Variants in WLS observed in about 807,000 individuals in gnomAD.
WLS encodes the protein Wnt ligand secretion mediator.
WLS carries 23 observed loss-of-function variants against 62.8 expected under a neutral mutation model. The ratio of observed to expected loss-of-function variants is 0.37; its 90% CI spans 0.26 to 0.52. WLS has a LOEUF of 0.52. WLS is among the 20% of genes least tolerant of loss of function. The pLI is 0.92. For missense variants in WLS, 615 were observed against 697.3 expected (o/e 0.88, Z 1.33); for synonymous variants, 246 against 244.1 (o/e 1.01, Z -0.07).
intron 11 of WLS, among the ~76,000 whole-genome samples, chr1:68,132,977 G>T (rs1204537582): frequency 6.6e-6 from 1 of 151,818 alleles, no homozygotes; most frequent in Admixed American, 6.6e-5. Context: ...TATCTGCCTG[G>T]GAAGACATCC....
chr1:68,119,053 G>C, intron 11 of WLS, among the ~76,000 whole-genome samples: 1 of 151,972 alleles, frequency 6.6e-6, no homozygotes. Flanking sequence ...AACATATATT[G>C]TAATAGTCAA....
Position 68,220,872 on chromosome 1 carries a change from T to C in WLS, c.106+11322A>G, listed in dbSNP as rs376773695. Among the ~76,000 whole-genome samples the C allele has an allele frequency of 1.7e-3, 253 of 152,358 alleles. 10 individuals carry two copies. In the South Asian group the frequency reaches 0.05, roughly 30 times the overall value. On this transcript the variant is annotated intron_variant, in intron 1 of 11. Transcript: ENST00000262348. The stretch of plus-strand genomic sequence containing the variant: ...CTGCTTTATGTAACTAGCCGAAGTT[T>C]TAACATAGAAATATTACTGTTTCAT...
intron 10 of WLS, among the ~76,000 whole-genome samples, chr1:68,142,438 T>G (rs762637562): frequency 6.6e-6 from 1 of 152,220 alleles, no homozygotes; most frequent in Non-Finnish European, 1.5e-5. Flanking sequence ...CAAGTGCCAC[T>G]GTGCACTACT....
intron 2 of WLS, among the ~76,000 whole-genome samples, chr1:68,171,930 T>C (rs1283812943): frequency 2.6e-5 from 4 of 152,160 alleles, no homozygotes; most frequent in Non-Finnish European, 5.9e-5. Flanking sequence ...CCAGCAATGA[T>C]AGACTGGATA....
At chr1:68,114,408 G>T (rs1646265090) in intron 11 of WLS, among the ~76,000 whole-genome samples, 1 of 152,102 alleles carries the variant, frequency 6.6e-6, no homozygotes, top group South Asian at 2.1e-4. Context: ...ATATTCCACA[G>T]GTGTCAAGAA....
intron 5 of WLS, among the ~76,000 whole-genome samples, chr1:68,151,670 C>T (rs752634227): frequency 6.6e-5 from 10 of 151,806 alleles, no homozygotes; most frequent in Admixed American, 2.0e-4. Flanking sequence ...GGTGGACAGA[C>T]GAAGAGATCA....
rs543300464 is a variant in WLS, at chr1:68,165,917, C to A, written c.380-6670G>T. The stretch of plus-strand genomic sequence containing the variant: ...ATTCATACTGTTTCCCCAAGCCAGA[C>A]AAATGTTTGTAGTGGGCCTGGTTCA... On this transcript the variant is annotated intron_variant, in intron 2 of 11. Transcript: ENST00000262348. Among the ~76,000 whole-genome samples the A allele has an allele frequency of 1.6e-4, 24 of 152,314 alleles. No homozygotes were observed. The South Asian group carries it at 4.8e-3, about 30-fold the overall frequency.
intron 11 of WLS, among the ~76,000 whole-genome samples, chr1:68,128,260 T>C (rs972445577): frequency 3.3e-5 from 5 of 152,232 alleles, no homozygotes; most frequent in Admixed American, 6.5e-5. Flanking sequence ...CCACCACTTG[T>C]ACAGTGAGCA....
chr1:68,220,985 G>A (rs897049161), intron 1 of WLS, among the ~76,000 whole-genome samples: 1 of 152,160 alleles, frequency 6.6e-6, no homozygotes, highest in Admixed American at 6.5e-5. Context: ...GTAGGTGGGG[G>A]AGGGAAGGAA....
At chr1:68,167,334 A>G (rs145505350) in intron 2 of WLS, among the ~76,000 whole-genome samples, 11 of 152,352 alleles carry the variant, frequency 7.2e-5, no homozygotes, top group African/African-American at 2.6e-4. Context: ...AGAGGAATAC[A>G]GTAAAACTGC....
At chr1:68,198,221 C>T (rs78252812) in intron 1 of WLS, among the ~76,000 whole-genome samples, 2,609 of 152,256 alleles carry the variant, frequency 0.017, 42 homozygotes, top group Non-Finnish European at 0.027. Flanking sequence ...ACTAAATATG[C>T]CTAGTCACTG....
At chr1:68,227,409 A>C (rs1278427893) in intron 1 of WLS, among the ~76,000 whole-genome samples, 3 of 75,126 alleles carry the variant, frequency 4.0e-5, no homozygotes, top group Admixed American at 3.2e-4. Flanking sequence ...CCGTCACAAA[A>C]AAAAAAAAAA....
intron 11 of WLS, among the ~76,000 whole-genome samples, chr1:68,101,509 G>A (rs17130468): frequency 0.028 from 4,200 of 152,220 alleles, 133 homozygotes; most frequent in African/African-American, 0.078. Context: ...CACATGAAGC[G>A]TCACAAAGAC....
chr1:68,128,556 G>A (rs967776895), intron 11 of WLS, among the ~76,000 whole-genome samples: 1 of 152,182 alleles, frequency 6.6e-6, no homozygotes, highest in African/African-American at 2.4e-5. Flanking sequence ...AGATGCTAGA[G>A]AGTAATTCTA....
chr1:68,230,109 G>A (rs1431010655), intron 1 of WLS, among the ~76,000 whole-genome samples: 1 of 152,074 alleles, frequency 6.6e-6, no homozygotes, highest in African/African-American at 2.4e-5. Context: ...CTCCTTGGTG[G>A]TAGCATCCCA....
At chr1:68,180,409 A>T (rs1236575906) in intron 2 of WLS, among the ~76,000 whole-genome samples, 2 of 152,200 alleles carry the variant, frequency 1.3e-5, no homozygotes, top group African/African-American at 4.8e-5. Context: ...GCAAAGCAAG[A>T]TGTTGAGGAA....
At chr1:68,135,090 C>T (rs1646586728) in intron 11 of WLS, among the ~76,000 whole-genome samples, 1 of 151,978 alleles carries the variant, frequency 6.6e-6, no homozygotes, top group South Asian at 2.1e-4. Context: ...TGTTCTTCTG[C>T]CCCTTCCCTG....
chr1:68,108,356 T>TA (rs750507973), intron 11 of WLS, among the ~76,000 whole-genome samples: 1 of 152,154 alleles, frequency 6.6e-6, no homozygotes, highest in Non-Finnish European at 1.5e-5. Context: ...CTTCATCTCT[T>TA]AAAAGAGACC....
intron 10 of WLS, among the ~76,000 whole-genome samples, chr1:68,141,181 T>C (rs891430895): frequency 1.3e-5 from 2 of 152,124 alleles, no homozygotes; most frequent in African/African-American, 2.4e-5. Flanking sequence ...AACAACAAGA[T>C]TTCCAAATCC....
Sources: allele counts gnomAD v4.1 joint callset (sites outside exome capture counted in the v4.1 genomes callset), GRCh38; gene constraint gnomAD v4.1.1; transcripts MANE v1.5; gene names NCBI Gene and HGNC (gene_info 2026-07-23, HGNC 2026-07-21).